EDARADD: variants seen among roughly 807,000 people sequenced by gnomAD.
EDARADD encodes the protein EDAR associated via death domain, also known as ectodysplasin-A receptor-associated adapter protein.
A neutral mutation model predicts 25.6 loss-of-function variants in EDARADD; 20 were observed. That is an observed-to-expected ratio of 0.78 (90% CI 0.55 to 1.14). The LOEUF (loss-of-function observed/expected upper bound fraction) is 1.14. EDARADD is among the 50% of genes most tolerant of loss of function. The pLI is 0.00. For missense variants in EDARADD, 225 were observed against 270.1 expected (o/e 0.83, Z 1.17); for synonymous variants, 86 against 94.4 (o/e 0.91, Z 0.52).
At chr1:236,448,422 G>A (rs1451955878) in intron 4 of EDARADD, among the ~76,000 whole-genome samples, 2 of 152,192 alleles carry the variant, frequency 1.3e-5, no homozygotes, top group Admixed American at 6.5e-5. Flanking sequence ...GGGAGGGTCT[G>A]ATCCTAGAGT....
intron 3 of EDARADD, among the ~76,000 whole-genome samples, chr1:236,351,516 C>T (rs189918274): frequency 1.0e-3 from 158 of 152,166 alleles, no homozygotes; most frequent in Admixed American, 1.8e-3. Flanking sequence ...TAGAGACCAT[C>T]CTGGCCAACA....
At chr1:236,362,571 G>A (rs1402352802) in intron 3 of EDARADD, among the ~76,000 whole-genome samples, 1 of 151,998 alleles carries the variant, frequency 6.6e-6, no homozygotes, top group Non-Finnish European at 1.5e-5. Flanking sequence ...GTTTTCCTTT[G>A]ATGTTATTAT....
upstream of EDARADD, among the ~76,000 whole-genome samples, chr1:236,390,901 C>G (rs1667414301): frequency 6.6e-6 from 1 of 151,730 alleles, no homozygotes; most frequent in African/African-American, 2.4e-5. Flanking sequence ...CACTCCTGCT[C>G]CTTCCTTCTA....
chr1:236,411,118 T>C (rs1215245618), intron 2 of EDARADD, among the ~76,000 whole-genome samples: 2 of 152,190 alleles, frequency 1.3e-5, no homozygotes, highest in Non-Finnish European at 2.9e-5. Context: ...TTTCCCTCCC[T>C]TGGAGCTATG....
chr1:236,428,628 G>A (rs1459382915), intron 4 of EDARADD, among the ~76,000 whole-genome samples: 11 of 149,456 alleles, frequency 7.4e-5, no homozygotes, highest in South Asian at 4.3e-4. Flanking sequence ...GCGGCCGGGC[G>A]GAGACGCTCC....
rs184714977 is a variant in EDARADD, at chr1:236,408,298, G to A, written c.62-918G>A. On this transcript the variant is annotated intron_variant, in intron 1 of 5. Transcript: ENST00000334232. Reference sequence around the variant, plus strand: ...GCTCACTGCAACCTCCACCTCCCAGGTTCAAGCTATTCTTCTGCCTCAGCC... The same window carrying A: ...GCTCACTGCAACCTCCACCTCCCAGATTCAAGCTATTCTTCTGCCTCAGCC... Among the ~76,000 whole-genome samples the A allele has an allele frequency of 1.5e-3, 229 of 152,248 alleles. 2 individuals are homozygous for A. Among genetic ancestry groups the A allele is most frequent in the Middle Eastern group, 3.4e-3 (1 of 294 alleles).
intron 4 of EDARADD, among the ~76,000 whole-genome samples, chr1:236,431,014 G>A (rs929750466): frequency 6.6e-6 from 1 of 152,180 alleles, no homozygotes; most frequent in Admixed American, 6.5e-5. Flanking sequence ...TACTTGGGAG[G>A]CTGAGGCAGG....
chr1:236,482,932 A>G lies in EDARADD; in HGVS notation c.*283A>G, dbSNP rs983460041. On this transcript the variant is annotated 3_prime_UTR_variant, in exon 6 of 6. Coordinates refer to ENST00000334232, the MANE Select transcript of EDARADD (RefSeq NM_145861.4). ...AAAGTCCTACAATCGGAATGGATTC[A>G]TGCCACGTTGAAGATAAAATTATCC... is the stretch of plus-strand genomic sequence containing the variant. The G allele has an allele frequency of 1.2e-5, 7 of 605,032 alleles. No individual in the cohort carries two copies. Among genetic ancestry groups the G allele is most frequent in the Non-Finnish European group, 1.4e-5 (5 of 345,088 alleles). 37.5% of individuals were successfully genotyped at this position (605,032 alleles called of 1,614,324 possible). A position where few individuals can be genotyped will look rare whatever the true frequency, so the allele number is the denominator to read the frequency against.
chr1:236,471,255 G>A (rs1414501312), intron 5 of EDARADD, among the ~76,000 whole-genome samples: 1 of 152,074 alleles, frequency 6.6e-6, no homozygotes, highest in Non-Finnish European at 1.5e-5. Flanking sequence ...TTCCCCTTTG[G>A]TTAAGAGATC....
At chr1:236,399,376 G>T (rs1484830823) in intron 1 of EDARADD, among the ~76,000 whole-genome samples, 1 of 151,996 alleles carries the variant, frequency 6.6e-6, no homozygotes, top group African/African-American at 2.4e-5. Flanking sequence ...TAGTAGAGAC[G>T]GGGTTTCACC....
At chr1:236,456,723 T>G (rs199703149) in intron 4 of EDARADD, among the ~76,000 whole-genome samples, 1 of 110,890 alleles carries the variant, frequency 9.0e-6, no homozygotes, top group Non-Finnish European at 1.8e-5. Flanking sequence ...CCCTCCCCCC[T>G]CCCCCTCACT....
At chr1:236,394,630 CT>C in intron 1 of EDARADD, 125 bp downstream of exon 1, 1 of 701,472 alleles carries the variant, frequency 1.4e-6, no homozygotes, top group South Asian at 2.7e-5. Flanking sequence ...TTCGACCCGA[CT>C]TTTATCTTTC....
chr1:236,436,884 T>C (rs1294488690), intron 4 of EDARADD, among the ~76,000 whole-genome samples: 1 of 152,180 alleles, frequency 6.6e-6, no homozygotes, highest in Non-Finnish European at 1.5e-5. Flanking sequence ...GGCAGAGACC[T>C]GCGTGAAATA....
At chr1:236,458,006 G>A (rs1658923230) in intron 4 of EDARADD, among the ~76,000 whole-genome samples, 1 of 152,160 alleles carries the variant, frequency 6.6e-6, no homozygotes, top group Non-Finnish European at 1.5e-5. Context: ...TGCTCTGCTG[G>A]CTGCAATGCC....
chr1:236,452,405 G>A (rs1173575378), intron 4 of EDARADD, among the ~76,000 whole-genome samples: 1 of 152,202 alleles, frequency 6.6e-6, no homozygotes, highest in Non-Finnish European at 1.5e-5. Flanking sequence ...GGTGGGAGGT[G>A]ATTGGATCAC....
intron 4 of EDARADD, among the ~76,000 whole-genome samples, chr1:236,452,219 G>A (rs1253629): frequency 0.76 from 115,562 of 152,104 alleles, 44,159 homozygotes; most frequent in East Asian, 0.97. Flanking sequence ...GCTTGGATGG[G>A]GCAGAGAGCA....
chr1:236,427,535 A>C, intron 4 of EDARADD, 85 bp downstream of exon 4: 1 of 1,292,834 alleles, frequency 7.7e-7, no homozygotes, highest in Non-Finnish European at 1.1e-6. Flanking sequence ...TTTTACAAAT[A>C]AAAAATGAAA....
chr1:236,419,042 G>A (rs1026178025), intron 3 of EDARADD, among the ~76,000 whole-genome samples: 1 of 152,130 alleles, frequency 6.6e-6, no homozygotes, highest in African/African-American at 2.4e-5. Context: ...AATCTTTTGT[G>A]CATAAGAGGA....
At chr1:236,433,270 A>G (rs572464463) in intron 4 of EDARADD, among the ~76,000 whole-genome samples, 1 of 151,374 alleles carries the variant, frequency 6.6e-6, no homozygotes, top group South Asian at 2.1e-4. Flanking sequence ...AAAAACAGCA[A>G]ATAACCCTGG....
Sources: allele counts gnomAD v4.1 joint callset (sites outside exome capture counted in the v4.1 genomes callset), GRCh38; gene constraint gnomAD v4.1.1; transcripts MANE v1.5; gene names NCBI Gene and HGNC (gene_info 2026-07-23, HGNC 2026-07-21).